Variants in ADPGK observed in about 807,000 individuals in gnomAD.
The protein encoded by ADPGK is ADP-dependent glucokinase.
In ADPGK, 26 loss-of-function variants were observed where a neutral mutation model predicts 42.4. The observed-to-expected ratio is 0.61, with a 90% CI of 0.45 to 0.85. ADPGK has a LOEUF of 0.85. Among genes scored for constraint, ADPGK ranks in the 40% least tolerant of loss-of-function variants. ADPGK has a pLI of 0.00. For missense variants in ADPGK, 571 were observed against 627.0 expected (o/e 0.91, Z 0.95); for synonymous variants, 267 against 252.6 (o/e 1.06, Z -0.54).
rs1567447668 is a variant in ADPGK at position 72,757,998 on chromosome 15, A to G, written c.644-1551T>C. On this transcript the variant is annotated intron_variant, in intron 4 of 6. Transcript: ENST00000456471. The stretch of plus-strand genomic sequence containing the variant: ...CACAGGAAACAAGGCAGCAGATGCC[A>G]AGAGAGGCTGGAACCTGAAGAAAAC... 6 of 1,419,980 alleles carry G rather than the reference A, an allele frequency of 4.2e-6. No homozygotes were observed. The South Asian group carries it at 5.0e-5, about 12-fold the overall frequency. 88.0% of individuals were successfully genotyped at this position (1,419,980 alleles called of 1,614,324 possible).
intron 6 of ADPGK, among the ~76,000 whole-genome samples, chr15:72,754,695 A>G (rs2066089556): frequency 6.6e-6 from 1 of 152,224 alleles, no homozygotes; most frequent in African/African-American, 2.4e-5. Flanking sequence ...CTACACATTC[A>G]TTTTAACCAT....
At chr15:72,779,174 G>T (rs1410958666) in intron 1 of ADPGK, among the ~76,000 whole-genome samples, 1 of 151,318 alleles carries the variant, frequency 6.6e-6, no homozygotes, top group African/African-American at 2.4e-5. Flanking sequence ...TCATACAGGG[G>T]AGAAGACCAA....
chr15:72,777,043 T>C (rs1032127608), intron 1 of ADPGK, among the ~76,000 whole-genome samples: 3 of 152,234 alleles, frequency 2.0e-5, no homozygotes, highest in Non-Finnish European at 4.4e-5. Context: ...ATTCTGGACA[T>C]GCACGTGGCA....
At chr15:72,774,824 A>C (rs779842019) in intron 2 of ADPGK, 48 bp downstream of exon 2, 1 of 1,530,650 alleles carries the variant, frequency 6.5e-7, no homozygotes, top group African/African-American at 1.4e-5. Context: ...CCATATTAAA[A>C]AGGCATCTTT....
chr15:72,752,010 G>A lies in ADPGK; in HGVS notation c.*331C>T. On this transcript the variant is annotated 3_prime_UTR_variant, in exon 7 of 7. Coordinates refer to ENST00000456471, the MANE Select transcript of ADPGK (RefSeq NM_001365225.1). ...GTGAGTGGGCGTGCACTTCTCAAGT[G>A]GGCAAGGAAGAACTGCTTTTCTCCA... is the stretch of plus-strand genomic sequence containing the variant. The A allele has an allele frequency of 3.6e-6, 1 of 279,180 alleles. No individual in the cohort carries two copies. The allele number at this position is 279,180 out of a possible 1,614,324, so 17.3% of individuals were successfully genotyped here. A position where few individuals can be genotyped will look rare whatever the true frequency, so the allele number is the denominator to read the frequency against.
At chr15:72,753,907 T>C (rs1197065195) in intron 6 of ADPGK, among the ~76,000 whole-genome samples, 2 of 152,146 alleles carry the variant, frequency 1.3e-5, no homozygotes, top group Non-Finnish European at 2.9e-5. Context: ...GTGTAAACTA[T>C]GGACTTTGGG....
Position 72,752,430 on chromosome 15 carries a change from C to G in ADPGK, c.1405G>C (p.Val469Leu). 1.2e-6 allele frequency: 2 copies of G among 1,614,226 alleles called. No homozygotes were observed. The highest frequency in any genetic ancestry group is 1.7e-6 in the Non-Finnish European group (2 of 1,180,044). ...GISFHFTPVLVCKDPIRTVGL... is the reference protein window; with the variant it reads ...GISFHFTPVLLCKDPIRTVGL... ...ACAGTTCGAATGGGGTCTTTACACA[C>G]CAATACTGGTGTGAAGTGGAAGGAT... Residue 469 changes from valine (V) to leucine (L), a missense_variant, in exon 7 of 7, where the codon GTG becomes CTG. This residue lies in a region of ADPGK where 434 missense variants were observed against 522.7 expected (regional missense o/e 0.83). Transcript: ENST00000456471.
At chr15:72,772,831 A>T (rs1290764068) in intron 2 of ADPGK, among the ~76,000 whole-genome samples, 1 of 152,140 alleles carries the variant, frequency 6.6e-6, no homozygotes, top group Non-Finnish European at 1.5e-5. Flanking sequence ...GGACCTGGAG[A>T]ACAAATAATT....
At chr15:72,777,486 T>C (rs193203661) in intron 1 of ADPGK, among the ~76,000 whole-genome samples, 1 of 152,200 alleles carries the variant, frequency 6.6e-6, no homozygotes, top group African/African-American at 2.4e-5. Flanking sequence ...GAGACCAGCC[T>C]GGCCAAGATG....
intron 3 of ADPGK, among the ~76,000 whole-genome samples, chr15:72,766,647 C>T (rs555380943): frequency 5.3e-5 from 8 of 152,170 alleles, no homozygotes; most frequent in African/African-American, 1.4e-4. Flanking sequence ...AAAATTCATG[C>T]GTTTTATTTT....
Position 72,769,351 on chromosome 15 carries a change from T to C in ADPGK, c.522+2432A>G, listed in dbSNP as rs117681433. Among the ~76,000 whole-genome samples the C allele has an allele frequency of 1.2e-4, 18 of 152,276 alleles. No individual in the cohort carries two copies. The East Asian group carries it at 3.3e-3, about 28-fold the overall frequency. On this transcript the variant is annotated intron_variant, in intron 3 of 6. Coordinates refer to ENST00000456471, the MANE Select transcript of ADPGK (RefSeq NM_001365225.1). Reference sequence around the variant, plus strand: ...CCTAATTCTTGCCTAATTCCACAAGTATATATTTTTTTGAGATGGAGTCTT... The same window carrying C: ...CCTAATTCTTGCCTAATTCCACAAGCATATATTTTTTTGAGATGGAGTCTT...
At chr15:72,770,269 A>G (rs1310284576) in intron 3 of ADPGK, among the ~76,000 whole-genome samples, 3 of 152,226 alleles carry the variant, frequency 2.0e-5, no homozygotes, top group Non-Finnish European at 4.4e-5. Context: ...CTCTTTCCTC[A>G]GTCTCCTACC....
intron 6 of ADPGK, among the ~76,000 whole-genome samples, chr15:72,753,485 G>T (rs905182945): frequency 6.6e-6 from 1 of 152,148 alleles, no homozygotes; most frequent in Admixed American, 6.5e-5. Context: ...TGTCTGATGG[G>T]GAACCACAAT....
intron 3 of ADPGK, among the ~76,000 whole-genome samples, chr15:72,769,449 G>A (rs1359765300): frequency 2.6e-5 from 4 of 152,144 alleles, no homozygotes; most frequent in African/African-American, 9.7e-5. Context: ...GGGTTCGAGC[G>A]ATTCTCCTGC....
chr15:72,779,189 T>C (rs1305221700), intron 1 of ADPGK, among the ~76,000 whole-genome samples: 1 of 151,824 alleles, frequency 6.6e-6, no homozygotes, highest in African/African-American at 2.4e-5. Context: ...GACCAAGATA[T>C]GTTTCAAGGT....
intron 6 of ADPGK, among the ~76,000 whole-genome samples, chr15:72,754,387 T>G (rs1412688911): frequency 1.2e-4 from 18 of 152,208 alleles, no homozygotes; most frequent in Non-Finnish European, 2.9e-5. Context: ...AAATGCAAAT[T>G]TTAACATTCT....
At chr15:72,762,608 C>CA (rs2066208813) in intron 3 of ADPGK, among the ~76,000 whole-genome samples, 1 of 152,058 alleles carries the variant, frequency 6.6e-6, no homozygotes, top group African/African-American at 2.4e-5. Context: ...CCTGAAACAA[C>CA]AAAAAAGACA....
intron 1 of ADPGK, among the ~76,000 whole-genome samples, chr15:72,781,940 G>A (rs1165753350): frequency 2.0e-5 from 3 of 152,146 alleles, no homozygotes; most frequent in Non-Finnish European, 2.9e-5. Flanking sequence ...GTGTACATGC[G>A]CAGACTAACT....
At chr15:72,758,871 A>G (rs2066151396) in intron 4 of ADPGK, among the ~76,000 whole-genome samples, 1 of 152,138 alleles carries the variant, frequency 6.6e-6, no homozygotes, top group African/African-American at 2.4e-5. Flanking sequence ...TGGCAGCAAT[A>G]CCTCAGGGGC....
Sources: gnomAD v4.1 joint callset for allele counts (sites outside exome capture counted in the v4.1 genomes callset) on GRCh38, gnomAD v4.1.1 for gene constraint, gnomAD v4.1.1 regional missense constraint, MANE v1.5 for transcripts, NCBI Gene and HGNC (gene_info 2026-07-23, HGNC 2026-07-21) for gene names.